The following ZNF44 variants were observed in gnomAD, a reference collection of about 807,000 sequenced individuals.
ZNF44 encodes zinc finger protein 44.
Under a neutral mutation model 11.7 loss-of-function variants are expected in ZNF44, and 9 were observed. The ratio of observed to expected loss-of-function variants is 0.77; its 90% CI spans 0.46 to 1.35. The LOEUF (loss-of-function observed/expected upper bound fraction) is 1.35. ZNF44 is among the 40% of genes most tolerant of loss of function. ZNF44 has a pLI of 0.00. For synonymous variants in ZNF44, 224 were observed against 242.7 expected, an observed-to-expected ratio of 0.92 and a Z score of 0.72; for missense variants, 696 against 743.1, an observed-to-expected ratio of 0.94 and a Z score of 0.74.
exon 8 of ZNF44, chr19:12,248,474 C>CT: frequency 7.7e-7 from 1 of 1,290,992 alleles, no homozygotes; most frequent in Non-Finnish European, 1.0e-6. Context: ...ATTCCTGACA[C>CT]TTATACAGTT....
exon 8 of ZNF44, chr19:12,248,243 G>A: frequency 3.1e-6 from 4 of 1,300,164 alleles, no homozygotes; most frequent in South Asian, 1.2e-5. Context: ...GAGCAGATTG[G>A]TGGTATCGGA....
At chr19:12,234,052 ACT>A (rs982574416) in intron 2 of ZNF44, among the ~76,000 whole-genome samples, 6 of 146,354 alleles carry the variant, frequency 4.1e-5, no homozygotes, top group Non-Finnish European at 7.4e-5. Context: ...ACAGAGTGAG[ACT>A]CTGTCTTAAA....
intron 5 of ZNF44, among the ~76,000 whole-genome samples, chr19:12,262,515 C>T (rs1053349136): frequency 2.6e-5 from 4 of 152,086 alleles, no homozygotes; most frequent in African/African-American, 9.7e-5. Context: ...ATGATCTGCC[C>T]GCCTCGACCT....
intron 7 of ZNF44, among the ~76,000 whole-genome samples, chr19:12,248,900 T>TC (rs1916868931): frequency 6.9e-6 from 1 of 144,506 alleles, no homozygotes; most frequent in Non-Finnish European, 1.5e-5. Context: ...GTTTCTCTTT[T>TC]TTTTTTTTTT....
At chr19:12,268,089 G>A (rs144200167), downstream of ZNF44, among the ~76,000 whole-genome samples, 56 of 149,546 alleles carry the variant, frequency 3.7e-4, no homozygotes, top group East Asian at 6.3e-3. Flanking sequence ...CGCCTGCCTC[G>A]GCCTCCCAAA....
downstream of ZNF44, among the ~76,000 whole-genome samples, chr19:12,268,671 A>C (rs1450086695): frequency 6.6e-6 from 1 of 151,608 alleles, no homozygotes; most frequent in Non-Finnish European, 1.5e-5. Context: ...ACAGCCTCAA[A>C]CTCCTGGGTT....
At chr19:12,278,383 G>A (rs575598283) in intron 1 of ZNF44, among the ~76,000 whole-genome samples, 24 of 152,284 alleles carry the variant, frequency 1.6e-4, no homozygotes, top group African/African-American at 5.5e-4. Flanking sequence ...AGCTCTGAAG[G>A]CTGTCAGCCC....
Position 12,294,809 on chromosome 19 carries a change from C to A in ZNF44, c.-115G>T. 7.9e-7 allele frequency: 1 copy of A among 1,261,138 alleles called. No individual in the cohort carries two copies. Among genetic ancestry groups the A allele is most frequent in the South Asian group, 1.5e-5 (1 of 65,614 alleles). The allele number at this position is 1,261,138 out of a possible 1,614,324, so 78.1% of individuals were successfully genotyped here. A position where few individuals can be genotyped will look rare whatever the true frequency, so the allele number is the denominator to read the frequency against. On this transcript the variant is annotated 5_prime_UTR_variant, in exon 1 of 4. Transcript: ENST00000355684. ...CGTCTCTCAGTGACAGAATACGGAA[C>A]AGAGGTCACCAGGGTGAAGAGGCCA...
intron 3 of ZNF44, 102 bp from the exon 4 acceptor site, chr19:12,274,165 G>T: frequency 1.9e-6 from 2 of 1,027,158 alleles, no homozygotes; most frequent in Non-Finnish European, 2.8e-6. Context: ...CAAGCTATAA[G>T]CTTCATGTCC....
intron 2 of ZNF44, among the ~76,000 whole-genome samples, chr19:12,275,495 A>G (rs1272174333): frequency 6.6e-6 from 1 of 152,072 alleles, no homozygotes; most frequent in Non-Finnish European, 1.5e-5. Context: ...AAAAATACAA[A>G]AAATTAGCTG....
At chr19:12,241,871 C>T (rs1234695654), upstream of ZNF44, among the ~76,000 whole-genome samples, 1 of 152,172 alleles carries the variant, frequency 6.6e-6, no homozygotes, top group Non-Finnish European at 1.5e-5. Flanking sequence ...GGCACAAAAA[C>T]TGAATTACTG....
chr19:12,260,346 ACCT>A (rs1294545478), intron 5 of ZNF44: 1 of 1,032,302 alleles, frequency 9.7e-7, no homozygotes, highest in Non-Finnish European at 1.5e-6. Context: ...GAAGCCTGCC[ACCT>A]CCTACGCGCG....
At position 12,273,641 on chromosome 19, in the gene ZNF44, G is replaced by C. The variant is rs775975447; in HGVS notation, c.614C>G (p.Ala205Gly). The change falls in exon 4 of 4, where the codon GCC (alanine) becomes GGC (glycine). Residue 205 changes from alanine (A) to glycine (G), a missense_variant. Physicochemically the swap from Ala to Gly is moderately conservative, Grantham distance 60. Coordinates refer to ENST00000355684, the MANE Select transcript of ZNF44 (RefSeq NM_016264.4). ...GPYKCELCGK[A>G]FFWPSLLRMH... ...ACGTAATAAACTGGGCCAAAAAAAGGCTTTCCCACACAATTCACATTTATA... is the reference window on the plus strand; with the variant it reads ...ACGTAATAAACTGGGCCAAAAAAAGCCTTTCCCACACAATTCACATTTATA... 18 of 1,614,116 alleles carry C rather than the reference G, an allele frequency of 1.1e-5. No individual in the cohort carries two copies. The South Asian group carries it at 1.5e-4, about 14-fold the overall frequency.
chr19:12,261,120 T>G (rs1301036011), intron 5 of ZNF44, among the ~76,000 whole-genome samples: 1 of 152,136 alleles, frequency 6.6e-6, no homozygotes, highest in Non-Finnish European at 1.5e-5. Flanking sequence ...GAAGGGAACT[T>G]GCCCAGGGTG....
chr19:12,287,328 C>T (rs1160997825), intron 1 of ZNF44, among the ~76,000 whole-genome samples: 2 of 152,104 alleles, frequency 1.3e-5, no homozygotes, highest in Admixed American at 6.6e-5. Flanking sequence ...GATTCTCCTG[C>T]CTCAGCCTCC....
chr19:12,285,012 GC>G (rs1967670559), intron 1 of ZNF44: 1 of 705,696 alleles, frequency 1.4e-6, no homozygotes, highest in South Asian at 1.5e-5. Flanking sequence ...GGGCAACTTC[GC>G]CAAGGCCACC....
chr19:12,238,883 C>T (rs1381392157), upstream of ZNF44, among the ~76,000 whole-genome samples: 2 of 152,182 alleles, frequency 1.3e-5, no homozygotes, highest in Admixed American at 1.3e-4. Flanking sequence ...AAATGAATCA[C>T]GTTCCCAACC....
At chr19:12,291,676 A>G (rs2459000) in intron 1 of ZNF44, among the ~76,000 whole-genome samples, 31,466 of 151,522 alleles carry the variant, frequency 0.21, 4,263 homozygotes, top group African/African-American at 0.39. Flanking sequence ...CCTGGGTGAT[A>G]GAGGGAGACC....
chr19:12,226,863 T>TAAAG (rs1454878989), intron 3 of ZNF44, among the ~76,000 whole-genome samples: 1 of 152,102 alleles, frequency 6.6e-6, no homozygotes, highest in Non-Finnish European at 1.5e-5. Context: ...GGTCAGGAGT[T>TAAAG]AAAGACCAGC....
Sources: gnomAD v4.1 joint callset for allele counts (sites outside exome capture counted in the v4.1 genomes callset) on GRCh38, gnomAD v4.1.1 for gene constraint, MANE v1.5 for transcripts, NCBI Gene and HGNC (gene_info 2026-07-23, HGNC 2026-07-21) for gene names.